SREBF2: variants seen among roughly 807,000 people sequenced by gnomAD.
SREBF2 encodes the protein sterol regulatory element-binding protein 2.
In SREBF2, 55 loss-of-function variants were observed where a neutral mutation model predicts 113.1. The observed-to-expected ratio is 0.49, with a 90% CI of 0.39 to 0.61. The LOEUF (loss-of-function observed/expected upper bound fraction) is 0.61, where lower values mean the gene tolerates loss of function less well. Ranked by LOEUF, SREBF2 falls within the 20% of genes least tolerant of loss-of-function variation. The pLI is 0.00. For missense variants in SREBF2, 1,349 were observed against 1,487.4 expected, an observed-to-expected ratio of 0.91 and a Z score of 1.53; for synonymous variants, 593 against 605.7, an observed-to-expected ratio of 0.98 and a Z score of 0.31.
At chr22:41,838,866 G>T (rs969806099) in intron 1 of SREBF2, among the ~76,000 whole-genome samples, 2 of 152,184 alleles carry the variant, frequency 1.3e-5, no homozygotes, top group African/African-American at 4.8e-5. Context: ...TGGATGGGAA[G>T]TGGCCCTCAT....
intron 5 of SREBF2, 108 bp downstream of exon 5, chr22:41,874,127 C>A: frequency 1.8e-6 from 2 of 1,121,270 alleles, no homozygotes; most frequent in Admixed American, 1.9e-5. Flanking sequence ...AATACAAGAC[C>A]GAGTTAGAGG....
intron 2 of SREBF2, among the ~76,000 whole-genome samples, chr22:41,867,817 A>AG (rs1433700531): frequency 1.3e-5 from 2 of 151,738 alleles, no homozygotes; most frequent in Non-Finnish European, 2.9e-5. Context: ...TAAAAAGAAA[A>AG]AAAAAAATCC....
At chr22:41,849,002 C>T (rs2076902961) in intron 1 of SREBF2, among the ~76,000 whole-genome samples, 1 of 151,850 alleles carries the variant, frequency 6.6e-6, no homozygotes, top group Non-Finnish European at 1.5e-5. Flanking sequence ...AAGTTATTTT[C>T]CAGTAAAAAA....
intron 1 of SREBF2, among the ~76,000 whole-genome samples, chr22:41,835,678 A>C (rs2076766937): frequency 2.6e-5 from 4 of 151,996 alleles, no homozygotes; most frequent in Admixed American, 2.6e-4. Context: ...CCCAGGCTGG[A>C]GTGCAGTGGC....
chr22:41,842,420 A>G (rs941509865), intron 1 of SREBF2, among the ~76,000 whole-genome samples: 5 of 152,168 alleles, frequency 3.3e-5, no homozygotes, highest in Non-Finnish European at 5.9e-5. Context: ...CTGCTTACCA[A>G]TGTATCTTAT....
At position 41,833,473 on chromosome 22, in the gene SREBF2, C is replaced by T. The variant is rs932165430; in HGVS notation, c.88+115C>T. 2.3e-6 allele frequency: 2 copies of T among 884,294 alleles called. No homozygotes were observed. The highest frequency in any genetic ancestry group is 1.8e-5 in the African/African-American group (1 of 56,600). The allele number at this position is 884,294 out of a possible 1,614,324, so 54.8% of individuals were successfully genotyped here. On this transcript the variant is annotated intron_variant, in intron 1 of 18. Transcript: ENST00000361204. This position sits in a 1 kb window ranked among gnomAD's most constrained non-coding sequence, Gnocchi z 4.1. ...ACAGCCCCGGTTCGCGCGGGAAGAA[C>T]CCCGTGCGCACGGTGCCCCCGGCGG...
rs548288526 is a variant in SREBF2 at position 41,895,793 on chromosome 22, A to G, written c.2495+856A>G. ...GCGGAGTCAGTACTTGGACCAAGTCAGGGATTTCATTAGCTTGCTCTGCTT... is the reference window on the plus strand; with the variant it reads ...GCGGAGTCAGTACTTGGACCAAGTCGGGGATTTCATTAGCTTGCTCTGCTT... On this transcript the variant is annotated intron_variant, in intron 13 of 18. Coordinates refer to ENST00000361204, the MANE Select transcript of SREBF2 (RefSeq NM_004599.4). 8.6e-5 allele frequency among the ~76,000 whole-genome samples: 13 copies of G among 151,918 alleles called. No homozygotes were observed. The East Asian group carries it at 2.3e-3, about 27-fold the overall frequency.
At chr22:41,894,405 C>T (rs1953749154) in intron 12 of SREBF2, among the ~76,000 whole-genome samples, 1 of 152,222 alleles carries the variant, frequency 6.6e-6, no homozygotes, top group Admixed American at 6.5e-5. Flanking sequence ...GCATGTTCTT[C>T]GTTGTCATGA....
chr22:41,876,399 T>TAAGTA (rs1289126825), intron 7 of SREBF2, among the ~76,000 whole-genome samples: 1 of 152,232 alleles, frequency 6.6e-6, no homozygotes, highest in Non-Finnish European at 1.5e-5. Context: ...GAAGCTCCAT[T>TAAGTA]TTTGAAATAT....
chr22:41,863,129 A>G (rs1422873257), intron 1 of SREBF2, among the ~76,000 whole-genome samples: 4 of 152,184 alleles, frequency 2.6e-5, no homozygotes, highest in African/African-American at 9.7e-5. Flanking sequence ...CCCTTCACCA[A>G]GCACTTCGGA....
chr22:41,845,301 C>G (rs890535247), intron 1 of SREBF2, among the ~76,000 whole-genome samples: 12 of 152,050 alleles, frequency 7.9e-5, no homozygotes, highest in African/African-American at 2.9e-4. Context: ...AGATGATTTG[C>G]CAATGCTTCC....
chr22:41,863,659 G>A (rs192543680), intron 1 of SREBF2, among the ~76,000 whole-genome samples: 5 of 152,170 alleles, frequency 3.3e-5, no homozygotes, highest in East Asian at 1.9e-4. Context: ...TTTCTCCCTC[G>A]CACAAGGCTG....
At chr22:41,893,793 C>T (rs73165107) in intron 12 of SREBF2, among the ~76,000 whole-genome samples, 8,880 of 152,164 alleles carry the variant, frequency 0.058, 315 homozygotes, top group Non-Finnish European at 0.079. Context: ...GGCTTTCTGT[C>T]CCTGGCATTT....
chr22:41,873,621 T>C (rs1009228362), intron 4 of SREBF2, 177 bp from the exon 5 acceptor site: 6 of 650,158 alleles, frequency 9.2e-6, no homozygotes, highest in Non-Finnish European at 1.6e-5. Flanking sequence ...GTAACCAAGG[T>C]TCCGTGGCTC....
At position 41,907,188 on chromosome 22, in the gene SREBF2, G is replaced by C. The variant is rs1194424630; in HGVS notation, c.*1528G>C. 1 of 152,310 alleles carries C rather than the reference G, an allele frequency of 6.6e-6. No homozygotes were observed. Among genetic ancestry groups the C allele is most frequent in the South Asian group, 2.1e-4 (1 of 4,840 alleles). The allele number at this position is 152,310 out of a possible 1,614,324, so 9.4% of individuals were successfully genotyped here. A position where few individuals can be genotyped will look rare whatever the true frequency, so the allele number is the denominator to read the frequency against. ...TGTGCCTTTTCTCACTATTGTTTGG[G>C]TGTGGGAGGGGGTGGTTTTTCACTG... On this transcript the variant is annotated 3_prime_UTR_variant, in exon 19 of 19. Coordinates refer to ENST00000361204, the MANE Select transcript of SREBF2 (RefSeq NM_004599.4).
chr22:41,856,329 A>G (rs1040725187), intron 1 of SREBF2, among the ~76,000 whole-genome samples: 2 of 151,844 alleles, frequency 1.3e-5, no homozygotes, highest in African/African-American at 4.8e-5. Flanking sequence ...GAGTCTCGCT[A>G]TGTTGCCCAA....
rs2077504211 is a variant in SREBF2, at chr22:41,905,868, GA to G, written c.*209del. On this transcript the variant is annotated 3_prime_UTR_variant, in exon 19 of 19. Transcript: ENST00000361204. ...CCATGGTCCAGGGCCTGGTGGGCGT[GA>G]GAGGATAGGTGGCAGGGCAGAAACT... 1.4e-6 allele frequency: 1 copy of G among 715,268 alleles called. No homozygotes were observed. Among genetic ancestry groups the G allele is most frequent in the Non-Finnish European group, 2.5e-6 (1 of 397,592 alleles). The allele number at this position is 715,268 out of a possible 1,614,324, so 44.3% of individuals were successfully genotyped here.
intron 14 of SREBF2, among the ~76,000 whole-genome samples, chr22:41,897,890 A>T (rs1485917806): frequency 6.6e-6 from 1 of 152,228 alleles, no homozygotes; most frequent in Admixed American, 6.5e-5. Context: ...CAGTTGAGAA[A>T]ACTAAGGCTG....
At chr22:41,838,090 G>C (rs911700855) in intron 1 of SREBF2, among the ~76,000 whole-genome samples, 2 of 152,218 alleles carry the variant, frequency 1.3e-5, no homozygotes, top group East Asian at 3.9e-4. Flanking sequence ...AGGGCCTCAT[G>C]TGCCATTACA....
Sources: gnomAD v4.1 joint callset for allele counts (sites outside exome capture counted in the v4.1 genomes callset) on GRCh38, gnomAD v4.1.1 for gene constraint, Gnocchi (gnomAD v3.1) non-coding constraint, MANE v1.5 for transcripts, NCBI Gene and HGNC (gene_info 2026-07-23, HGNC 2026-07-21) for gene names.